The following TMEM164 variants were observed in gnomAD, a reference collection of about 807,000 sequenced individuals.
TMEM164 encodes transmembrane protein 164.
A neutral mutation model predicts 18.8 loss-of-function variants in TMEM164; 4 were observed. The observed-to-expected ratio is 0.21, with a 90% confidence interval of 0.10 to 0.49. The LOEUF (loss-of-function observed/expected upper bound fraction) is 0.49. Among genes scored for constraint, TMEM164 ranks in the 20% least tolerant of loss-of-function variants. The probability of loss-of-function intolerance (pLI) is 0.98; values close to 1 mark genes in which losing one functional copy is unlikely to be tolerated. For synonymous variants in TMEM164, 86 were observed against 101.7 expected (o/e 0.85, Z 0.93); for missense variants, 108 against 239.9 (o/e 0.45, Z 3.63).
chrX:110,175,574 G>C lies in TMEM164; in HGVS notation c.*2123G>C, dbSNP rs1353914857. The C allele has an allele frequency of 5.1e-6, 1 of 197,520 alleles. No individual in the cohort carries two copies. The allele number at this position is 197,520 out of a possible 1,213,427, so 16.3% of individuals were successfully genotyped here. ...GTCTACAGCTTAGTACCCCATTCTG[G>C]AGGGCACTTTCTGGTGCTTGGAAGG... On this transcript the variant is annotated 3_prime_UTR_variant, in exon 7 of 7. Transcript: ENST00000372068.
chrX:110,069,176 G>T lies in TMEM164; in HGVS notation c.440+1780G>T, dbSNP rs1188457269. Among the ~76,000 whole-genome samples, 7 of 111,607 alleles carry T rather than the reference G, an allele frequency of 6.3e-5. No individual in the cohort carries two copies. The Admixed American group carries it at 6.7e-4, about 11-fold the overall frequency. ...TATAGATGTAGGTAGAGGTATATAG[G>T]TATATGGGAATGTTTAAATATATAT... On this transcript the variant is annotated intron_variant, in intron 3 of 6. Coordinates refer to ENST00000372068, the MANE Select transcript of TMEM164 (RefSeq NM_032227.4).
chrX:110,180,153 C>T (rs1196168491), downstream of TMEM164, among the ~76,000 whole-genome samples: 1 of 112,525 alleles, frequency 8.9e-6, no homozygotes, highest in Non-Finnish European at 1.9e-5. Context: ...AACTGCTTTT[C>T]CATATCCTTT....
chrX:110,151,912 T>C (rs776737653), intron 5 of TMEM164, among the ~76,000 whole-genome samples: 3 of 112,307 alleles, frequency 2.7e-5, no homozygotes, highest in Non-Finnish European at 3.8e-5. Flanking sequence ...TTGTTACATA[T>C]AAATATTAAC....
chrX:110,113,242 A>C (rs2066316667), intron 4 of TMEM164, among the ~76,000 whole-genome samples: 1 of 112,498 alleles, frequency 8.9e-6, no homozygotes, highest in Non-Finnish European at 1.9e-5. Context: ...CAATCTGGTC[A>C]ATCTTTGTGC....
chrX:110,083,846 G>T (rs1199032285), intron 3 of TMEM164, among the ~76,000 whole-genome samples: 3 of 111,307 alleles, frequency 2.7e-5, no homozygotes, highest in African/African-American at 9.8e-5. Flanking sequence ...GATTTTGTGT[G>T]TCTATGCTTA....
intron 4 of TMEM164, among the ~76,000 whole-genome samples, chrX:110,135,402 A>G (rs1439877816): frequency 1.8e-5 from 2 of 111,701 alleles, no homozygotes; most frequent in Non-Finnish European, 3.8e-5. Flanking sequence ...TTGCTTTTTT[A>G]AATTACAAAT....
intron 5 of TMEM164, among the ~76,000 whole-genome samples, chrX:110,153,893 C>A: frequency 9.0e-6 from 1 of 111,653 alleles, no homozygotes; most frequent in Middle Eastern, 4.6e-3. Context: ...TGCTTTAAAT[C>A]ATCTCTAGAT....
At chrX:110,051,218 T>C (rs889829566) in intron 2 of TMEM164, among the ~76,000 whole-genome samples, 1 of 111,887 alleles carries the variant, frequency 8.9e-6, no homozygotes, top group African/African-American at 3.2e-5. Flanking sequence ...CAGTGACTTG[T>C]AAACCCGGCT....
At chrX:110,008,878 A>G (rs180796338) in intron 2 of TMEM164, among the ~76,000 whole-genome samples, 1 of 112,093 alleles carries the variant, frequency 8.9e-6, no homozygotes, top group African/African-American at 3.2e-5. Context: ...GCAGATGACC[A>G]ATACAGTTTC....
chrX:110,174,349 C>G lies in TMEM164; in HGVS notation c.*898C>G, dbSNP rs976735559. ...TGCCCCTTAAATGTGTTCCCTCTCC[C>G]TTTCCCTCTCCCCCCACCCCTCCCC... On this transcript the variant is annotated 3_prime_UTR_variant, in exon 7 of 7. Coordinates refer to ENST00000372068, the MANE Select transcript of TMEM164 (RefSeq NM_032227.4). The G allele has an allele frequency of 7.0e-5, 7 of 100,650 alleles. No individual in the cohort carries two copies. Among genetic ancestry groups the G allele is most frequent in the Admixed American group, 2.1e-4 (2 of 9,455 alleles). 8.3% of individuals were successfully genotyped at this position (100,650 alleles called of 1,213,427 possible).
intron 5 of TMEM164, among the ~76,000 whole-genome samples, chrX:110,150,695 C>G (rs1029967198): frequency 9.8e-5 from 11 of 112,208 alleles, no homozygotes; most frequent in Non-Finnish European, 1.1e-4. Context: ...TTTCCCCCTT[C>G]TTCAGACATT....
Position 110,139,301 on chromosome X carries a change from A to C in TMEM164, c.508-5497A>C, listed in dbSNP as rs1420552020. Among the ~76,000 whole-genome samples, 5 of 111,697 alleles carry C rather than the reference A, an allele frequency of 4.5e-5. No homozygotes were observed. In the East Asian group the frequency reaches 1.4e-3, roughly 31 times the overall value. On this transcript the variant is annotated intron_variant, in intron 4 of 6. Coordinates refer to ENST00000372068, the MANE Select transcript of TMEM164 (RefSeq NM_032227.4). ...ACAGGTGCTTCCTGCATAGTAGCAG[A>C]GGAAAAAGCAGCTGTGGGGATGGGT...
At chrX:110,170,619 G>A (rs1162326586) in intron 5 of TMEM164, among the ~76,000 whole-genome samples, 1 of 111,697 alleles carries the variant, frequency 9.0e-6, no homozygotes, top group Non-Finnish European at 1.9e-5. Flanking sequence ...CCAAGATGTG[G>A]AATATATCCA....
chrX:110,038,513 C>T (rs970152302), intron 2 of TMEM164, among the ~76,000 whole-genome samples: 1 of 110,743 alleles, frequency 9.0e-6, no homozygotes, highest in African/African-American at 3.3e-5. Context: ...CTTCAGAAAC[C>T]CTGACCCTGG....
chrX:110,015,550 AGTGTGT>A (rs200228472), intron 2 of TMEM164, among the ~76,000 whole-genome samples: 44 of 99,631 alleles, frequency 4.4e-4, no homozygotes, highest in East Asian at 3.7e-3. Flanking sequence ...CAGGAACTTG[AGTGTGT>A]GTGTGTGTGT....
chrX:110,169,081 A>G lies in TMEM164; in HGVS notation c.587-2339A>G, dbSNP rs759424241. On this transcript the variant is annotated intron_variant, in intron 5 of 6. Transcript: ENST00000372068. ...ATGGGGCCAGGATTTGCAAACCTCT[A>G]CCTGTTGAGCTCCACTGCCCATGCT... is the stretch of plus-strand genomic sequence containing the variant. Among the ~76,000 whole-genome samples, 334 of 111,813 alleles carry G rather than the reference A, an allele frequency of 3.0e-3. 3 individuals carry two copies. The highest frequency in any genetic ancestry group is 0.011 in the African/African-American group (327 of 30,715).
At chrX:110,069,470 A>G (rs1602564496) in intron 3 of TMEM164, among the ~76,000 whole-genome samples, 1 of 108,535 alleles carries the variant, frequency 9.2e-6, no homozygotes, top group East Asian at 2.9e-4. Context: ...TGGGTTGTTT[A>G]TATTTTTCTA....
chrX:110,115,050 G>T (rs1312502218), intron 4 of TMEM164, among the ~76,000 whole-genome samples: 1 of 111,549 alleles, frequency 9.0e-6, no homozygotes. Flanking sequence ...TAATGATTCT[G>T]TCATTACTGG....
chrX:110,180,493 G>A (rs371677113), downstream of TMEM164, among the ~76,000 whole-genome samples: 7 of 81,465 alleles, frequency 8.6e-5, no homozygotes, highest in Middle Eastern at 5.3e-3. Context: ...GAACCCCCCC[G>A]CCCCGCCCAC....
Sources: gnomAD v4.1 joint callset for allele counts (sites outside exome capture counted in the v4.1 genomes callset) on GRCh38, gnomAD v4.1.1 for gene constraint, MANE v1.5 for transcripts, NCBI Gene and HGNC (gene_info 2026-07-23, HGNC 2026-07-21) for gene names.